Variants in HOMER2 observed in about 807,000 individuals in gnomAD.
HOMER2 encodes homer scaffold protein 2.
A neutral mutation model predicts 47.0 loss-of-function variants in HOMER2; 27 were observed. The ratio of observed to expected loss-of-function variants is 0.57; its 90% confidence interval spans 0.42 to 0.79. The LOEUF (loss-of-function observed/expected upper bound fraction) is 0.79. HOMER2 is among the 30% of genes least tolerant of loss of function. The probability of loss-of-function intolerance (pLI) is 0.00; values close to 1 mark genes in which losing one functional copy is unlikely to be tolerated. For synonymous variants in HOMER2, 161 were observed against 163.8 expected, an observed-to-expected ratio of 0.98 and a Z score of 0.13; for missense variants, 443 against 435.0, an observed-to-expected ratio of 1.02 and a Z score of -0.16.
intron 1 of HOMER2, among the ~76,000 whole-genome samples, chr15:82,970,375 G>T (rs573555975): frequency 6.6e-6 from 1 of 152,234 alleles, no homozygotes; most frequent in South Asian, 2.1e-4. Flanking sequence ...CTGAAAAATG[G>T]ATAGGACACT....
intron 1 of HOMER2, among the ~76,000 whole-genome samples, chr15:82,949,909 T>C (rs1413925418): frequency 6.6e-6 from 1 of 152,116 alleles, no homozygotes; most frequent in East Asian, 1.9e-4. Flanking sequence ...AGATGTATGC[T>C]CCTATACTGA....
intron 2 of HOMER2, among the ~76,000 whole-genome samples, chr15:82,891,277 G>C (rs371605350): frequency 1.9e-3 from 285 of 152,246 alleles, no homozygotes; most frequent in African/African-American, 6.6e-3. Context: ...GCGTGAACCT[G>C]GGCCAGGTCA....
chr15:82,897,044 G>A (rs1159834309), intron 1 of HOMER2, among the ~76,000 whole-genome samples: 1 of 143,108 alleles, frequency 7.0e-6, no homozygotes. Context: ...TATATGACAG[G>A]TCTGAAATTT....
intron 3 of HOMER2, among the ~76,000 whole-genome samples, chr15:82,869,049 A>G (rs941833824): frequency 3.9e-5 from 6 of 152,190 alleles, no homozygotes; most frequent in Non-Finnish European, 8.8e-5. Flanking sequence ...TGTAATTAAA[A>G]GTAGGTATAA....
At chr15:82,899,783 G>C (rs2053050755) in intron 1 of HOMER2, among the ~76,000 whole-genome samples, 1 of 152,166 alleles carries the variant, frequency 6.6e-6, no homozygotes, top group African/African-American at 2.4e-5. Context: ...AGCACTTTAA[G>C]AGGCCAAGGT....
intron 1 of HOMER2, chr15:82,898,428 A>G (rs1367248946): frequency 6.6e-6 from 1 of 152,250 alleles, no homozygotes; most frequent in Non-Finnish European, 1.5e-5. Context: ...TTGATGTTCA[A>G]TGTTCAGAGA....
At chr15:82,914,709 A>C (rs1240820356) in intron 1 of HOMER2, among the ~76,000 whole-genome samples, 1 of 152,208 alleles carries the variant, frequency 6.6e-6, no homozygotes, top group African/African-American at 2.4e-5. Context: ...TAGGTGGTAC[A>C]TTTTATGTGT....
chr15:82,854,838 G>A, intron 5 of HOMER2, 38 bp from the exon 6 acceptor site: 1 of 1,588,066 alleles, frequency 6.3e-7, no homozygotes, highest in Non-Finnish European at 8.5e-7. Flanking sequence ...CGGGGTGGGT[G>A]CTGTCCCGTC....
exon 2 of HOMER2, chr15:82,838,618 G>A (rs2051148458): frequency 6.6e-6 from 1 of 152,258 alleles, no homozygotes; most frequent in South Asian, 2.1e-4. Flanking sequence ...AGCATGGGAT[G>A]GAGGCATGAG....
chr15:82,961,172 C>T (rs1409311894), intron 1 of HOMER2, among the ~76,000 whole-genome samples: 1 of 152,214 alleles, frequency 6.6e-6, no homozygotes. Context: ...ACAACAGTTT[C>T]CAGAAAGTCA....
intron 3 of HOMER2, among the ~76,000 whole-genome samples, chr15:82,874,593 G>A (rs193143953): frequency 6.0e-4 from 92 of 152,254 alleles, no homozygotes; most frequent in Middle Eastern, 3.4e-3. Flanking sequence ...GGCCCTTGGA[G>A]AAGTGACTTG....
chr15:82,948,687 A>G (rs2054435816), intron 1 of HOMER2, among the ~76,000 whole-genome samples: 1 of 152,244 alleles, frequency 6.6e-6, no homozygotes, highest in Admixed American at 6.5e-5. Context: ...AGAGGAAGGT[A>G]AGAGAATTCC....
chr15:82,973,261 T>C (rs1172052986), intron 1 of HOMER2, among the ~76,000 whole-genome samples: 2 of 152,176 alleles, frequency 1.3e-5, no homozygotes, highest in Admixed American at 6.5e-5. Flanking sequence ...GCCTCAAATA[T>C]GTTTTTCTGT....
chr15:82,898,082 T>C (rs73446973), intron 1 of HOMER2, among the ~76,000 whole-genome samples: 1,883 of 152,310 alleles, frequency 0.012, 43 homozygotes, highest in African/African-American at 0.043. Flanking sequence ...TGGGCAGGGC[T>C]CACCACACAG....
chr15:82,964,630 G>C (rs888339276), intron 1 of HOMER2, among the ~76,000 whole-genome samples: 1 of 152,186 alleles, frequency 6.6e-6, no homozygotes, highest in Non-Finnish European at 1.5e-5. Context: ...ACCGGGCGCA[G>C]TGGTTTGCAC....
At chr15:82,924,972 C>T (rs552462179) in intron 1 of HOMER2, among the ~76,000 whole-genome samples, 1 of 152,208 alleles carries the variant, frequency 6.6e-6, no homozygotes, top group Non-Finnish European at 1.5e-5. Flanking sequence ...CCACTCTTCT[C>T]CCAGACCACC....
chr15:82,892,467 G>A (rs1327737599), intron 2 of HOMER2, among the ~76,000 whole-genome samples: 1 of 152,178 alleles, frequency 6.6e-6, no homozygotes, highest in African/African-American at 2.4e-5. Context: ...GCCGTCGGCA[G>A]AATTATTATA....
chr15:82,841,002 G>A (rs1458115044), exon 2 of HOMER2: 1 of 151,264 alleles, frequency 6.6e-6, no homozygotes, highest in Non-Finnish European at 1.5e-5. Context: ...TGACAAAGCA[G>A]AAAAAAAATT....
At chr15:82,950,827 TTTTATGAGTGAGTAAACA>T (rs1216175043) in intron 1 of HOMER2, among the ~76,000 whole-genome samples, 2 of 152,198 alleles carry the variant, frequency 1.3e-5, no homozygotes, top group Non-Finnish European at 2.9e-5. Flanking sequence ...TTCTTTAAGG[TTTTATGAGTGAGTAAACA>T]TTTTCATTTC....
Sources: allele counts gnomAD v4.1 joint callset (sites outside exome capture counted in the v4.1 genomes callset), GRCh38; gene constraint gnomAD v4.1.1; transcripts MANE v1.5; gene names NCBI Gene and HGNC (gene_info 2026-07-23, HGNC 2026-07-21).